The following AGR3 variants were observed in gnomAD, a reference collection of about 807,000 sequenced individuals.
The protein encoded by AGR3 is anterior gradient protein 3.
Under a neutral mutation model 24.5 loss-of-function variants are expected in AGR3, and 37 were observed. The ratio of observed to expected loss-of-function variants is 1.51; its 90% CI spans 1.16 to 1.99. The LOEUF (loss-of-function observed/expected upper bound fraction) is 1.99, where lower values mean the gene tolerates loss of function less well. Among genes scored for constraint, AGR3 ranks in the 30% most tolerant of loss-of-function variants. The pLI is 0.00. For missense variants in AGR3, 228 were observed against 191.1 expected, an observed-to-expected ratio of 1.19 and a Z score of -1.14; for synonymous variants, 75 against 61.6, an observed-to-expected ratio of 1.22 and a Z score of -1.02.
At chr7:16,870,924 G>A (rs1554281570) in intron 3 of AGR3, among the ~76,000 whole-genome samples, 2 of 151,990 alleles carry the variant, frequency 1.3e-5, no homozygotes, top group Non-Finnish European at 2.9e-5. Flanking sequence ...AAAGAGTATT[G>A]CAATAGAATG....
chr7:16,878,446 C>T, intron 2 of AGR3, 64 bp downstream of exon 2: 1 of 1,400,742 alleles, frequency 7.1e-7, no homozygotes, highest in Non-Finnish European at 1.0e-6. Context: ...TGAGTGAAGA[C>T]ACCAGATATT....
chr7:16,864,793 T>C lies in AGR3; in HGVS notation c.174-2131A>G, dbSNP rs562820173. On this transcript the variant is annotated intron_variant, in intron 3 of 7. Coordinates refer to ENST00000310398, the MANE Select transcript of AGR3 (RefSeq NM_176813.5). ...GCAATGAGCATATCCTCCGGCTTTG[T>C]TGGAATGTATCACACCTCTTGTAGC... 16 of 983,358 alleles carry C rather than the reference T, an allele frequency of 1.6e-5. No homozygotes were observed. In the African/African-American group the frequency reaches 2.2e-4, roughly 14 times the overall value. 60.9% of individuals were successfully genotyped at this position (983,358 alleles called of 1,614,324 possible). A position where few individuals can be genotyped will look rare whatever the true frequency, so the allele number is the denominator to read the frequency against.
chr7:16,877,301 A>G (rs376164559), intron 2 of AGR3, among the ~76,000 whole-genome samples: 1 of 140,036 alleles, frequency 7.1e-6, no homozygotes, highest in Non-Finnish European at 1.6e-5. Context: ...TATAATATAT[A>G]GTATATATAA....
chr7:16,856,100 G>C (rs751640042), downstream of AGR3, among the ~76,000 whole-genome samples: 5 of 152,104 alleles, frequency 3.3e-5, no homozygotes, highest in Non-Finnish European at 5.9e-5. Context: ...TATTTTATTA[G>C]GTTATTTAGT....
chr7:16,879,697 C>G (rs1028352008), intron 1 of AGR3, among the ~76,000 whole-genome samples: 1 of 152,076 alleles, frequency 6.6e-6, no homozygotes, highest in Non-Finnish European at 1.5e-5. Context: ...GTGACTGATT[C>G]TTTAGTGATT....
chr7:16,869,617 C>T (rs1323940875), intron 3 of AGR3, among the ~76,000 whole-genome samples: 1 of 150,056 alleles, frequency 6.7e-6, no homozygotes, highest in Non-Finnish European at 1.5e-5. Context: ...GTCCTAGCCA[C>T]TTGAAAGGCT....
intron 2 of AGR3, among the ~76,000 whole-genome samples, chr7:16,878,086 T>C (rs1782024720): frequency 6.6e-6 from 1 of 151,672 alleles, no homozygotes; most frequent in African/African-American, 2.4e-5. Context: ...TAGTATAATT[T>C]TCTGGGAAGG....
intron 3 of AGR3, chr7:16,864,478 G>A: frequency 7.9e-7 from 1 of 1,270,038 alleles, no homozygotes; most frequent in Admixed American, 1.7e-5. Flanking sequence ...TCCACTGTCA[G>A]GGTCGATCAT....
chr7:16,877,287 T>A (rs1243552309), intron 2 of AGR3, among the ~76,000 whole-genome samples: 2 of 116,684 alleles, frequency 1.7e-5, no homozygotes, highest in Non-Finnish European at 2.0e-5. Context: ...TGATATATAT[T>A]ATATATAATA....
chr7:16,868,383 G>A (rs1399984409), intron 3 of AGR3, among the ~76,000 whole-genome samples: 1 of 152,094 alleles, frequency 6.6e-6, no homozygotes, highest in Admixed American at 6.5e-5. Context: ...TCGAACTCCC[G>A]ACCTCAAGTG....
rs891781595 is a variant in AGR3 at position 16,859,519 on chromosome 7, G to A, written c.*63C>T. 2.8e-5 allele frequency: 31 copies of A among 1,114,276 alleles called. No homozygotes were observed. The highest frequency in any genetic ancestry group is 3.5e-5 in the Non-Finnish European group (27 of 766,028). 69.0% of individuals were successfully genotyped at this position (1,114,276 alleles called of 1,614,324 possible). ...ACTTGCACATTTAGTATTTGTCAAT[G>A]TGCCAGAGGTTTTCTTCATGAAATT... On this transcript the variant is annotated 3_prime_UTR_variant, in exon 8 of 8. Coordinates refer to ENST00000310398, the MANE Select transcript of AGR3 (RefSeq NM_176813.5).
intron 3 of AGR3, chr7:16,864,862 T>TC (rs1175040000): frequency 3.2e-5 from 28 of 866,258 alleles, no homozygotes; most frequent in Middle Eastern, 5.4e-4. Context: ...TGTATTCCAG[T>TC]CACCACTGAG....
At chr7:16,874,093 A>G (rs940734566) in intron 2 of AGR3, among the ~76,000 whole-genome samples, 3 of 152,206 alleles carry the variant, frequency 2.0e-5, no homozygotes, top group African/African-American at 4.8e-5. Context: ...TAAGTACTCA[A>G]TACATGTTGT....
chr7:16,865,674 G>A, intron 3 of AGR3: 1 of 803,038 alleles, frequency 1.2e-6, no homozygotes. Flanking sequence ...TGATCTCCAA[G>A]CATTTGTAAC....
intron 3 of AGR3, chr7:16,865,346 A>T: frequency 1.7e-6 from 2 of 1,143,668 alleles, no homozygotes; most frequent in Non-Finnish European, 2.6e-6. Flanking sequence ...GCACCTCTAG[A>T]GAAGTTTTGT....
At chr7:16,870,626 C>T (rs906441863) in intron 3 of AGR3, among the ~76,000 whole-genome samples, 1 of 152,030 alleles carries the variant, frequency 6.6e-6, no homozygotes, top group Non-Finnish European at 1.5e-5. Flanking sequence ...TTCTATAATG[C>T]ATTTTCAGAA....
At chr7:16,873,224 G>A (rs534195502) in intron 3 of AGR3, among the ~76,000 whole-genome samples, 6 of 152,176 alleles carry the variant, frequency 3.9e-5, no homozygotes, top group African/African-American at 1.2e-4. Context: ...TGGATAAAGA[G>A]AACATGTTAT....
intron 4 of AGR3, 136 bp from the exon 5 acceptor site, chr7:16,862,196 A>G (rs1208027841): frequency 1.2e-5 from 8 of 658,704 alleles, no homozygotes; most frequent in Middle Eastern, 3.6e-4. Flanking sequence ...TCATTGGCCT[A>G]TTGCCACTTT....
chr7:16,868,010 C>T (rs191498728), intron 3 of AGR3, among the ~76,000 whole-genome samples: 2 of 152,286 alleles, frequency 1.3e-5, no homozygotes, highest in Admixed American at 6.5e-5. Flanking sequence ...CTTTTCTCCA[C>T]ATTCTTGCCA....
Sources: allele counts gnomAD v4.1 joint callset (sites outside exome capture counted in the v4.1 genomes callset), GRCh38; gene constraint gnomAD v4.1.1; transcripts MANE v1.5; gene names NCBI Gene and HGNC (gene_info 2026-07-23, HGNC 2026-07-21).